Variants in CTDNEP1 observed in about 807,000 individuals in gnomAD.
CTDNEP1 encodes the protein CTD nuclear envelope phosphatase 1.
Under a neutral mutation model 30.1 loss-of-function variants are expected in CTDNEP1, and 3 were observed. The observed-to-expected ratio is 0.10, with a 90% confidence interval of 0.05 to 0.26. The LOEUF (loss-of-function observed/expected upper bound fraction) is 0.26. Among genes scored for constraint, CTDNEP1 ranks in the 10% least tolerant of loss-of-function variants. The pLI is 1.00. For missense variants in CTDNEP1, 158 were observed against 310.4 expected (o/e 0.51, Z 3.69); for synonymous variants, 123 against 118.8 (o/e 1.04, Z -0.23).
Position 7,244,228 on chromosome 17 carries a change from C to T in CTDNEP1, c.692G>A (p.Arg231His), listed in dbSNP as rs370491385. The part of the protein sequence containing the change: ...LDALRFTADV[R>H]SVLSRNLHQH... ...GTGAAGGTTTCGGCTCAGCACGGAA[C>T]GAACATCAGCGGTGAACCTGGGGTG... The change falls in exon 8 of 8, where the codon CGT becomes CAT. Residue 231 changes from arginine (R) to histidine (H), a missense_variant. Arg to His is a conservative substitution (Grantham distance 29, BLOSUM62 0). This residue lies in a region of CTDNEP1 where 96 missense variants were observed against 229.1 expected (regional missense o/e 0.42). Coordinates refer to ENST00000574322, the MANE Select transcript of CTDNEP1 (RefSeq NM_001143775.2). 2 of 1,613,934 alleles carry T rather than the reference C, an allele frequency of 1.2e-6. No individual in the cohort carries two copies. Among genetic ancestry groups the T allele is most frequent in the Non-Finnish European group, 1.7e-6 (2 of 1,180,012 alleles).
At chr17:7,247,468 T>TTA in intron 1 of CTDNEP1, 125 bp from the exon 2 acceptor site, 4 of 715,798 alleles carry the variant, frequency 5.6e-6, no homozygotes, top group Non-Finnish European at 6.9e-6. Flanking sequence ...TTATTTCTTC[T>TTA]TCTTTTTTTT....
chr17:7,247,490 A>ATG (rs2071856686), intron 1 of CTDNEP1, 147 bp from the exon 2 acceptor site: 1 of 623,970 alleles, frequency 1.6e-6, no homozygotes, highest in Non-Finnish European at 2.7e-6. Flanking sequence ...TTTTTTTGAG[A>ATG]TGGAGTCTCG....
At position 7,247,263 on chromosome 17, in the gene CTDNEP1, C is replaced by T. The variant is rs778588656; in HGVS notation, c.169+14G>A. On this transcript the variant is annotated intron_variant, in intron 2 of 7. Coordinates refer to ENST00000574322, the MANE Select transcript of CTDNEP1 (RefSeq NM_001143775.2). ...CTACTTCACCCTAAAGGAGGCTTCC[C>T]ACCACATACTTACCTAGCCGATTCC... The T allele has an allele frequency of 6.2e-7, 1 of 1,613,702 alleles. No homozygotes were observed. The highest frequency in any genetic ancestry group is 2.2e-5 in the East Asian group (1 of 44,876).
chr17:7,251,322 C>A lies in CTDNEP1; in HGVS notation c.-26G>T. On this transcript the variant is annotated 5_prime_UTR_variant, in exon 1 of 8. Coordinates refer to ENST00000574322, the MANE Select transcript of CTDNEP1 (RefSeq NM_001143775.2). Reference sequence around the variant, plus strand: ...CCCGATGACCCCGGCACCGCCGGCCCCGGGGCCCCCGCGGCCCAGCTCCGC... The same window carrying A: ...CCCGATGACCCCGGCACCGCCGGCCACGGGGCCCCCGCGGCCCAGCTCCGC... The A allele has an allele frequency of 1.4e-6, 2 of 1,465,778 alleles. No homozygotes were observed. The highest frequency in any genetic ancestry group is 1.8e-6 in the Non-Finnish European group (2 of 1,102,574). The allele number at this position is 1,465,778 out of a possible 1,614,324, so 90.8% of individuals were successfully genotyped here.
In CTDNEP1 at chr17:7,247,282, C is replaced by T. The variant is rs148327078; in HGVS notation, c.164G>A (p.Arg55Gln). Residue 55 changes from arginine (R) to glutamine (Q), a missense_variant, in exon 2 of 8, where the codon CGG (arginine) becomes CAG (glutamine). Transcript: ENST00000574322. The part of the protein sequence containing the change: ...ILPLSPVSRN[R>Q]LAQVKRKILV... ...GCTTCCCACCACATACTTACCTAGC[C>T]GATTCCGGGACACAGGAGATAAGGG... The T allele has an allele frequency of 6.2e-6, 10 of 1,613,914 alleles. No homozygotes were observed. The African/African-American group carries it at 8.0e-5, about 13-fold the overall frequency.
Position 7,247,051 on chromosome 17 carries a change from C to T in CTDNEP1, c.288+13G>A, listed in dbSNP as rs748655291. The T allele has an allele frequency of 5.0e-6, 8 of 1,586,984 alleles. No individual in the cohort carries two copies. The highest frequency in any genetic ancestry group is 6.9e-6 in the Non-Finnish European group (8 of 1,157,172). ...CAGATGGAACCATTTCATCACTCCC[C>T]ACCACCACACACCTTGAGGATGAAG... is the stretch of plus-strand genomic sequence containing the variant. On this transcript the variant is annotated intron_variant, in intron 3 of 7. Transcript: ENST00000574322.
At chr17:7,250,014 T>A (rs1328922604) in intron 1 of CTDNEP1, among the ~76,000 whole-genome samples, 1 of 152,004 alleles carries the variant, frequency 6.6e-6, no homozygotes. Flanking sequence ...ATAGCGCTGC[T>A]GCCTACAGCC....
rs368601754 is a variant in CTDNEP1, at chr17:7,249,005, G to A, written c.103-1662C>T. ...CAGTCTCCTTATCCTGGTACCCAGG[G>A]TGAGGCAAAGAACACTGGAAAGCCC... On this transcript the variant is annotated intron_variant, in intron 1 of 7. Transcript: ENST00000574322. 4.6e-5 allele frequency among the ~76,000 whole-genome samples: 7 copies of A among 152,284 alleles called. No individual in the cohort carries two copies. In the East Asian group the frequency reaches 7.7e-4, roughly 17 times the overall value.
In CTDNEP1 at chr17:7,246,395, G is replaced by T. The variant is rs373439928; in HGVS notation, c.361-25C>A. 1.3e-6 allele frequency: 2 copies of T among 1,510,316 alleles called. No individual in the cohort carries two copies. The highest frequency in any genetic ancestry group is 1.8e-6 in the Non-Finnish European group (2 of 1,087,078). 93.6% of individuals were successfully genotyped at this position (1,510,316 alleles called of 1,614,324 possible). On this transcript the variant is annotated intron_variant, in intron 4 of 7. Transcript: ENST00000574322. This position sits in a 1 kb window ranked among gnomAD's most constrained non-coding sequence, Gnocchi z 4.9. ...CCTGAAATAGATTGGGGGAGAGGGCGATGCCATACAAGGTGATGATTCCTT... is the reference window on the plus strand; with the variant it reads ...CCTGAAATAGATTGGGGGAGAGGGCTATGCCATACAAGGTGATGATTCCTT...
At chr17:7,245,530 GCT>G (rs1567586792) in intron 6 of CTDNEP1, among the ~76,000 whole-genome samples, 1 of 151,132 alleles carries the variant, frequency 6.6e-6, no homozygotes, top group African/African-American at 2.4e-5. Flanking sequence ...ACGGCGTCTC[GCT>G]CTGTCACCCA....
In CTDNEP1 at chr17:7,246,132, G is replaced by A. The variant is rs1439147000; in HGVS notation, c.483C>T (p.Cys161=). 6.2e-7 allele frequency: 1 copy of A among 1,612,748 alleles called. No individual in the cohort carries two copies. Among genetic ancestry groups the A allele is most frequent in the East Asian group, 2.2e-5 (1 of 44,884 alleles). ...TGATGTAGCTGCCCAACTCCAAAGTGCAGTGCTGGAAGGCAGGGGATCATG... is the reference window on the plus strand; with the variant it reads ...TGATGTAGCTGCCCAACTCCAAAGTACAGTGCTGGAAGGCAGGGGATCATG... The part of the protein sequence containing the change: ...ILKRRYYRQH[C]TLELGSYIKD... The change falls in exon 6 of 8, where the codon TGC becomes TGT. Residue 161 remains cysteine, a synonymous_variant. Transcript: ENST00000574322. The surrounding 1 kb of genome is among the most constrained non-coding windows in gnomAD (Gnocchi z 4.9).
intron 1 of CTDNEP1, 121 bp downstream of exon 1, chr17:7,251,074 C>T: frequency 1.6e-6 from 1 of 642,452 alleles, no homozygotes; most frequent in Non-Finnish European, 2.6e-6. Context: ...AAGCCCCAGC[C>T]AGGATTCCCT....
rs1161136683 is a variant in CTDNEP1 at position 7,244,153 on chromosome 17, C to A, written c.*32G>T. On this transcript the variant is annotated 3_prime_UTR_variant, in exon 8 of 8. Coordinates refer to ENST00000574322, the MANE Select transcript of CTDNEP1 (RefSeq NM_001143775.2). ...CAAGGGCTCGCCCTCCCTTTCCCCCCCACCCCAACTCAGGTGGAGGGGGAG... is the reference window on the plus strand; with the variant it reads ...CAAGGGCTCGCCCTCCCTTTCCCCCACACCCCAACTCAGGTGGAGGGGGAG... The A allele has an allele frequency of 1.2e-6, 2 of 1,613,118 alleles. No individual in the cohort carries two copies. The highest frequency in any genetic ancestry group is 1.7e-5 in the Admixed American group (1 of 59,992).
rs1228894705 is a variant in CTDNEP1 at position 7,243,881 on chromosome 17, G to C, written c.*304C>G. 1.7e-6 allele frequency: 2 copies of C among 1,161,986 alleles called. No homozygotes were observed. The highest frequency in any genetic ancestry group is 3.1e-5 in the African/African-American group (2 of 63,744). 72.0% of individuals were successfully genotyped at this position (1,161,986 alleles called of 1,614,324 possible). Reference sequence around the variant, plus strand: ...GAGCCTCCTGGATCACCGTATGTCTGTCACTCTGGCCAGTCCTGCCTCTTC... The same window carrying C: ...GAGCCTCCTGGATCACCGTATGTCTCTCACTCTGGCCAGTCCTGCCTCTTC... On this transcript the variant is annotated 3_prime_UTR_variant, in exon 8 of 8. Transcript: ENST00000574322.
rs1176187479 is a variant in CTDNEP1 at position 7,251,306 on chromosome 17, C to A, written c.-10G>T. 7 of 1,520,822 alleles carry A rather than the reference C, an allele frequency of 4.6e-6. No individual in the cohort carries two copies. The highest frequency in any genetic ancestry group is 2.0e-4 in the Middle Eastern group (1 of 5,070). 94.2% of individuals were successfully genotyped at this position (1,520,822 alleles called of 1,614,324 possible). The stretch of plus-strand genomic sequence containing the variant: ...ACTGCGTCCGCATCATCCCGATGAC[C>A]CCGGCACCGCCGGCCCCGGGGCCCC... On this transcript the variant is annotated 5_prime_UTR_variant, in exon 1 of 8. Transcript: ENST00000574322.
intron 6 of CTDNEP1, 136 bp from the exon 7 acceptor site, chr17:7,244,771 C>G: frequency 1.5e-6 from 1 of 664,532 alleles, no homozygotes; most frequent in Non-Finnish European, 2.5e-6. Context: ...CTAAGTAAAA[C>G]TTTCCTGGTT....
chr17:7,249,043 C>T (rs767415213), intron 1 of CTDNEP1, among the ~76,000 whole-genome samples: 8 of 152,196 alleles, frequency 5.3e-5, no homozygotes, highest in Admixed American at 2.6e-4. Context: ...GCCAGGCTGA[C>T]TGGCAGGGTC....
chr17:7,248,519 C>G (rs901420519), intron 1 of CTDNEP1, among the ~76,000 whole-genome samples: 2 of 151,446 alleles, frequency 1.3e-5, no homozygotes, highest in Non-Finnish European at 2.9e-5. Context: ...GAACCACGCC[C>G]AGCTAATTTT....
In CTDNEP1 at chr17:7,247,011, G is replaced by A. The variant is rs1180553876; in HGVS notation, c.288+53C>T. ...TCTGGGACTGGGAAAGGGAGTCCAGGTTTGGGCAGAGGAACAGATGGAACC... is the reference window on the plus strand; with the variant it reads ...TCTGGGACTGGGAAAGGGAGTCCAGATTTGGGCAGAGGAACAGATGGAACC... On this transcript the variant is annotated intron_variant, in intron 3 of 7. Transcript: ENST00000574322. The A allele has an allele frequency of 4.1e-6, 6 of 1,474,584 alleles. No individual in the cohort carries two copies. In the East Asian group the frequency reaches 9.1e-5, roughly 22 times the overall value. The allele number at this position is 1,474,584 out of a possible 1,614,324, so 91.3% of individuals were successfully genotyped here. A position where few individuals can be genotyped will look rare whatever the true frequency, so the allele number is the denominator to read the frequency against.
Sources: allele counts gnomAD v4.1 joint callset (sites outside exome capture counted in the v4.1 genomes callset), GRCh38; gene constraint gnomAD v4.1.1; regional missense constraint gnomAD v4.1.1; non-coding constraint Gnocchi (gnomAD v3.1); transcripts MANE v1.5; gene names NCBI Gene and HGNC (gene_info 2026-07-23, HGNC 2026-07-21).